CDH12: variants seen among roughly 807,000 people sequenced by gnomAD.
CDH12 encodes cadherin 12.
CDH12 carries 41 observed loss-of-function variants against 74.1 expected under a neutral mutation model. The observed-to-expected ratio is 0.55, with a 90% CI of 0.43 to 0.72. The LOEUF (loss-of-function observed/expected upper bound fraction) is 0.72, where lower values mean the gene tolerates loss of function less well. Ranked by LOEUF, CDH12 falls within the 30% of genes least tolerant of loss-of-function variation. CDH12 has a pLI of 0.00. For missense variants in CDH12, 945 were observed against 977.2 expected (o/e 0.97, Z 0.44); for synonymous variants, 399 against 355.0 (o/e 1.12, Z -1.39).
chr5:22,403,950 T>C (rs949911825), intron 3 of CDH12, among the ~76,000 whole-genome samples: 1 of 152,140 alleles, frequency 6.6e-6, no homozygotes, highest in African/African-American at 2.4e-5. Flanking sequence ...TATTTGACTA[T>C]ATTATTTTAC....
intron 2 of CDH12, among the ~76,000 whole-genome samples, chr5:22,474,226 T>G (rs1862928): frequency 0.55 from 84,096 of 151,892 alleles, 23,493 homozygotes; most frequent in Admixed American, 0.69. Flanking sequence ...GCAGGTTAGT[T>G]ACAAAGAAAT....
At chr5:21,812,363 A>G (rs1747795605) in intron 9 of CDH12, among the ~76,000 whole-genome samples, 1 of 152,104 alleles carries the variant, frequency 6.6e-6, no homozygotes, top group Admixed American at 6.6e-5. Context: ...TTGTATTGCA[A>G]TATTGAAGGG....
At chr5:21,781,503 C>T (rs1745906311) in intron 11 of CDH12, among the ~76,000 whole-genome samples, 1 of 152,088 alleles carries the variant, frequency 6.6e-6, no homozygotes, top group Non-Finnish European at 1.5e-5. Context: ...GCAGGTGGAT[C>T]ACCTAAAGTC....
chr5:22,311,096 C>G (rs1292868457), intron 3 of CDH12, among the ~76,000 whole-genome samples: 1 of 152,148 alleles, frequency 6.6e-6, no homozygotes, highest in South Asian at 2.1e-4. Flanking sequence ...CTCAATTCAT[C>G]TGAAATTCTT....
At chr5:22,502,021 G>A (rs988684610) in intron 2 of CDH12, among the ~76,000 whole-genome samples, 1 of 152,062 alleles carries the variant, frequency 6.6e-6, no homozygotes, top group Non-Finnish European at 1.5e-5. Flanking sequence ...TCAGTGAAAA[G>A]CTCACTTCCA....
chr5:21,828,575 A>G (rs1748811713), intron 8 of CDH12, among the ~76,000 whole-genome samples: 1 of 152,230 alleles, frequency 6.6e-6, no homozygotes, highest in African/African-American at 2.4e-5. Flanking sequence ...TCTTTTAGAC[A>G]AAACTAATTC....
chr5:22,065,843 T>C (rs76636333), intron 5 of CDH12, among the ~76,000 whole-genome samples: 5,926 of 152,288 alleles, frequency 0.039, 276 homozygotes, highest in African/African-American at 0.11. Flanking sequence ...CAATAAACCA[T>C]AGTCAAAAGA....
At chr5:22,646,830 T>G (rs1290569358) in intron 1 of CDH12, among the ~76,000 whole-genome samples, 1 of 151,918 alleles carries the variant, frequency 6.6e-6, no homozygotes, top group Non-Finnish European at 1.5e-5. Context: ...ACACTGCTTA[T>G]GAAATTACAA....
At chr5:22,713,649 T>C (rs897904869) in intron 1 of CDH12, among the ~76,000 whole-genome samples, 4 of 152,054 alleles carry the variant, frequency 2.6e-5, no homozygotes, top group East Asian at 1.9e-4. Context: ...ATAATAGATA[T>C]GTAACATAAT....
Position 22,606,311 on chromosome 5 carries a change from G to A in CDH12, c.-522-100947C>T, listed in dbSNP as rs147836794. Among the ~76,000 whole-genome samples, 19 of 152,244 alleles carry A rather than the reference G, an allele frequency of 1.2e-4. No homozygotes were observed. The East Asian group carries it at 3.7e-3, about 29-fold the overall frequency. Reference sequence around the variant, plus strand: ...TGTGTACCTGTAGTACCAACTCCCTGTGCCATCTCATGGGTGTCACTGCTT... The same window carrying A: ...TGTGTACCTGTAGTACCAACTCCCTATGCCATCTCATGGGTGTCACTGCTT... On this transcript the variant is annotated intron_variant, in intron 1 of 14. Transcript: ENST00000382254.
intron 1 of CDH12, among the ~76,000 whole-genome samples, chr5:22,745,588 T>TA (rs1217195503): frequency 6.6e-6 from 1 of 152,036 alleles, no homozygotes; most frequent in South Asian, 2.1e-4. Context: ...CATGCAGCCA[T>TA]AAAAAAGAAT....
intron 1 of CDH12, among the ~76,000 whole-genome samples, chr5:22,727,756 A>C (rs1000666650): frequency 1.3e-5 from 2 of 151,554 alleles, no homozygotes; most frequent in African/African-American, 2.4e-5. Flanking sequence ...TTATTTCATC[A>C]CATTGAAGAT....
At chr5:22,785,425 A>C (rs1747574633) in intron 1 of CDH12, among the ~76,000 whole-genome samples, 1 of 152,044 alleles carries the variant, frequency 6.6e-6, no homozygotes, top group South Asian at 2.1e-4. Flanking sequence ...TCTACCTAAT[A>C]TTTTTCTGAC....
At chr5:22,458,543 C>A (rs976846314) in intron 2 of CDH12, among the ~76,000 whole-genome samples, 1 of 152,108 alleles carries the variant, frequency 6.6e-6, no homozygotes, top group Admixed American at 6.6e-5. Context: ...TTTGAATGTA[C>A]CATACATTTT....
intron 2 of CDH12, among the ~76,000 whole-genome samples, chr5:22,412,209 G>C (rs936341530): frequency 6.6e-6 from 1 of 151,788 alleles, no homozygotes; most frequent in African/African-American, 2.4e-5. Context: ...TTCCAGTAGA[G>C]GTAAAAACAT....
rs113715663 is a variant in CDH12, at chr5:21,904,586, T to G, written c.527-49796A>C. Among the ~76,000 whole-genome samples the G allele has an allele frequency of 5.3e-3, 803 of 151,946 alleles. 12 individuals carry two copies. The highest frequency in any genetic ancestry group is 0.019 in the African/African-American group (773 of 41,448). Reference sequence around the variant, plus strand: ...GAGTTCAAGACCAGCCCGAGTAACATAGAGAGTCCCTGTCTCTACAAAATA... The same window carrying G: ...GAGTTCAAGACCAGCCCGAGTAACAGAGAGAGTCCCTGTCTCTACAAAATA... On this transcript the variant is annotated intron_variant, in intron 6 of 14. Transcript: ENST00000382254.
chr5:21,879,798 A>G lies in CDH12; in HGVS notation c.527-25008T>C, dbSNP rs188620525. On this transcript the variant is annotated intron_variant, in intron 6 of 14. Coordinates refer to ENST00000382254, the MANE Select transcript of CDH12 (RefSeq NM_004061.5). ...CATGAATTTATTTTATGACCCAGCCAAAGAGATGGAAAGGAAACCTAATGA... is the reference window on the plus strand; with the variant it reads ...CATGAATTTATTTTATGACCCAGCCGAAGAGATGGAAAGGAAACCTAATGA... Among the ~76,000 whole-genome samples, 173 of 152,310 alleles carry G rather than the reference A, an allele frequency of 1.1e-3. 1 individual carries two copies. Among genetic ancestry groups the G allele is most frequent in the South Asian group, 9.7e-3 (47 of 4,832 alleles).
At chr5:21,929,931 C>A (rs1481075401) in intron 6 of CDH12, among the ~76,000 whole-genome samples, 7 of 152,232 alleles carry the variant, frequency 4.6e-5, no homozygotes, top group Admixed American at 1.3e-4. Flanking sequence ...TCCCACAGCC[C>A]AAAATGCCCT....
intron 5 of CDH12, among the ~76,000 whole-genome samples, chr5:22,058,644 TACAAAGA>T (rs1384937128): frequency 0.031 from 4,529 of 145,542 alleles, 155 homozygotes; most frequent in African/African-American, 0.086. Context: ...CTTTTTAATG[TACAAAGA>T]AGGAAGAGAG....
Sources: allele counts gnomAD v4.1 joint callset (sites outside exome capture counted in the v4.1 genomes callset), GRCh38; gene constraint gnomAD v4.1.1; transcripts MANE v1.5; gene names NCBI Gene and HGNC (gene_info 2026-07-23, HGNC 2026-07-21).